Variants in MDGA2 observed in about 807,000 individuals in gnomAD.
MDGA2 encodes MAM domain-containing glycosylphosphatidylinositol anchor protein 2.
MDGA2 carries 40 observed loss-of-function variants against 117.8 expected under a neutral mutation model. That is an observed-to-expected ratio of 0.34 (90% CI 0.26 to 0.44). MDGA2 has a LOEUF of 0.44. MDGA2 is among the 20% of genes least tolerant of loss of function. The pLI is 1.00. For missense variants in MDGA2, 1,123 were observed against 1,250.6 expected, an observed-to-expected ratio of 0.90 and a Z score of 1.54; for synonymous variants, 452 against 439.0, an observed-to-expected ratio of 1.03 and a Z score of -0.37.
intron 8 of MDGA2, among the ~76,000 whole-genome samples, chr14:46,984,062 T>C (rs966049613): frequency 2.0e-5 from 3 of 152,024 alleles, no homozygotes; most frequent in African/African-American, 7.2e-5. Context: ...CGTCAAATAT[T>C]TTACATGATT....
intron 3 of MDGA2, among the ~76,000 whole-genome samples, chr14:47,176,840 A>G (rs1398149305): frequency 6.6e-6 from 1 of 152,226 alleles, no homozygotes; most frequent in African/African-American, 2.4e-5. Flanking sequence ...ACAGCAAAAG[A>G]AACTACCATC....
chr14:47,346,551 A>G (rs1890766470), intron 1 of MDGA2, among the ~76,000 whole-genome samples: 2 of 152,186 alleles, frequency 1.3e-5, no homozygotes, highest in African/African-American at 4.8e-5. Flanking sequence ...TGGTTCTTTC[A>G]TGCATAAAAC....
At chr14:47,413,005 G>A (rs1892403973) in intron 1 of MDGA2, among the ~76,000 whole-genome samples, 1 of 152,084 alleles carries the variant, frequency 6.6e-6, no homozygotes, top group Admixed American at 6.5e-5. Context: ...ATTTCATTTT[G>A]TTTTTTCAGG....
rs143411037 is a variant in MDGA2 at position 47,569,359 on chromosome 14, C to G, written c.280+105158G>C. ...GCCTCCAGGGGATGGATCTTGAGTA[C>G]TGCTGGCTTGCACCAGTGCATGGCA... is the stretch of plus-strand genomic sequence containing the variant. On this transcript the variant is annotated intron_variant, in intron 1 of 16. Coordinates refer to ENST00000399232, the MANE Select transcript of MDGA2 (RefSeq NM_001113498.3). Among the ~76,000 whole-genome samples, 1,171 of 152,294 alleles carry G rather than the reference C, an allele frequency of 7.7e-3. 17 individuals are homozygous for G. The highest frequency in any genetic ancestry group is 0.027 in the African/African-American group (1,134 of 41,546).
chr14:47,221,661 C>A (rs150469211), intron 2 of MDGA2, among the ~76,000 whole-genome samples: 2 of 119,648 alleles, frequency 1.7e-5, no homozygotes, highest in Admixed American at 1.1e-4. Flanking sequence ...GCACTCCAGG[C>A]GGGGTGACAG....
chr14:47,481,996 G>A (rs1370585629), intron 1 of MDGA2, among the ~76,000 whole-genome samples: 2 of 152,004 alleles, frequency 1.3e-5, no homozygotes, highest in African/African-American at 4.8e-5. Flanking sequence ...CAGGCACCGT[G>A]ATATAGAAGT....
chr14:47,655,905 A>G (rs1897734495), intron 1 of MDGA2, among the ~76,000 whole-genome samples: 1 of 152,162 alleles, frequency 6.6e-6, no homozygotes, highest in African/African-American at 2.4e-5. Context: ...CACACATCCC[A>G]TGATATTAGA....
intron 2 of MDGA2, among the ~76,000 whole-genome samples, chr14:47,249,739 T>G (rs1887381605): frequency 6.6e-6 from 1 of 152,218 alleles, no homozygotes; most frequent in South Asian, 2.1e-4. Flanking sequence ...GTTTTAGATT[T>G]TTCTGTAAAC....
At chr14:47,399,298 T>G (rs1892082983) in intron 1 of MDGA2, among the ~76,000 whole-genome samples, 1 of 152,102 alleles carries the variant, frequency 6.6e-6, no homozygotes, top group South Asian at 2.1e-4. Context: ...ACATTGAAAT[T>G]CATTGTCCCC....
In MDGA2 at chr14:47,243,859, G is replaced by C. The variant is rs540670151; in HGVS notation, c.421-25664C>G. Among the ~76,000 whole-genome samples the C allele has an allele frequency of 2.3e-4, 35 of 151,966 alleles. 1 individual carries two copies. The South Asian group carries it at 6.9e-3, about 30-fold the overall frequency. On this transcript the variant is annotated intron_variant, in intron 2 of 16. Coordinates refer to ENST00000399232, the MANE Select transcript of MDGA2 (RefSeq NM_001113498.3). Reference sequence around the variant, plus strand: ...TGGCGACTGGCAACCAATGGTGATAGGACATACGTGTGATTGTTTCATTTC... The same window carrying C: ...TGGCGACTGGCAACCAATGGTGATACGACATACGTGTGATTGTTTCATTTC...
chr14:46,959,251 A>ATATGTG (rs1375516744), intron 8 of MDGA2, among the ~76,000 whole-genome samples: 1 of 140,132 alleles, frequency 7.1e-6, no homozygotes, highest in Non-Finnish European at 1.6e-5. Flanking sequence ...AATGCTATAT[A>ATATGTG]TGTGTGTGTG....
chr14:47,601,505 A>G (rs1251266757), intron 1 of MDGA2, among the ~76,000 whole-genome samples: 6 of 152,224 alleles, frequency 3.9e-5, no homozygotes, highest in Admixed American at 2.0e-4. Flanking sequence ...AAGGATGCTT[A>G]CATATAAAGC....
At chr14:46,969,932 C>A (rs11851868) in intron 8 of MDGA2, among the ~76,000 whole-genome samples, 9,068 of 23,218 alleles carry the variant, frequency 0.39, 786 homozygotes, top group African/African-American at 0.53. Flanking sequence ...TTAAAGTATT[C>A]CATATATATA....
At chr14:47,472,518 C>T (rs1461102141) in intron 1 of MDGA2, among the ~76,000 whole-genome samples, 1 of 152,152 alleles carries the variant, frequency 6.6e-6, no homozygotes, top group Non-Finnish European at 1.5e-5. Context: ...GCCACTGTCT[C>T]GTGGGACCAC....
At chr14:46,939,627 T>C (rs1320488425) in intron 9 of MDGA2, among the ~76,000 whole-genome samples, 1 of 152,176 alleles carries the variant, frequency 6.6e-6, no homozygotes, top group Non-Finnish European at 1.5e-5. Context: ...GAACAAAATG[T>C]TTTAAGGCAC....
At chr14:47,159,992 C>T (rs1883564086) in intron 3 of MDGA2, among the ~76,000 whole-genome samples, 2 of 151,872 alleles carry the variant, frequency 1.3e-5, no homozygotes. Context: ...GCTAGTTTTC[C>T]CCTAGATTGC....
chr14:47,377,972 C>T (rs916934988), intron 1 of MDGA2, among the ~76,000 whole-genome samples: 1 of 152,196 alleles, frequency 6.6e-6, no homozygotes, highest in Non-Finnish European at 1.5e-5. Flanking sequence ...TAGGGGCCAA[C>T]TGACATCTCA....
intron 8 of MDGA2, among the ~76,000 whole-genome samples, chr14:47,025,662 G>C (rs950690765): frequency 6.6e-6 from 1 of 150,748 alleles, no homozygotes; most frequent in African/African-American, 2.4e-5. Context: ...AGCCTAAGTA[G>C]CCTCTAAACA....
chr14:47,665,794 G>C (rs149260980), intron 1 of MDGA2, among the ~76,000 whole-genome samples: 215 of 94,962 alleles, frequency 2.3e-3, no homozygotes, highest in Admixed American at 3.4e-3. Flanking sequence ...CTAGCAGCCC[G>C]CCCCCTCCCT....
Sources: allele counts gnomAD v4.1 joint callset (sites outside exome capture counted in the v4.1 genomes callset), GRCh38; gene constraint gnomAD v4.1.1; transcripts MANE v1.5; gene names NCBI Gene and HGNC (gene_info 2026-07-23, HGNC 2026-07-21).